Variants in MED12L observed in about 807,000 individuals in gnomAD.
MED12L encodes the protein mediator of RNA polymerase II transcription subunit 12-like protein.
In MED12L, 60 loss-of-function variants were observed where a neutral mutation model predicts 281.3. That is an observed-to-expected ratio of 0.21 (90% confidence interval 0.17 to 0.26). The LOEUF (loss-of-function observed/expected upper bound fraction) is 0.26, where lower values mean the gene tolerates loss of function less well. Among genes scored for constraint, MED12L ranks in the 10% least tolerant of loss-of-function variants. MED12L has a pLI of 1.00. For missense variants in MED12L, 2,146 were observed against 2,680.9 expected, an observed-to-expected ratio of 0.80 and a Z score of 4.41; for synonymous variants, 974 against 987.2, an observed-to-expected ratio of 0.99 and a Z score of 0.25.
chr3:151,139,219 T>C (rs1576808622), intron 5 of MED12L, among the ~76,000 whole-genome samples: 1 of 152,340 alleles, frequency 6.6e-6, no homozygotes, highest in African/African-American at 2.4e-5. Context: ...TACTTTCTTC[T>C]TTTCTGGCAC....
At position 151,190,949 on chromosome 3, in the gene MED12L, A is replaced by G. The variant is rs200517086; in HGVS notation, c.1968+18A>G. 151 of 1,607,762 alleles carry G rather than the reference A, an allele frequency of 9.4e-5. No homozygotes were observed. In the African/African-American group the frequency reaches 1.9e-3, roughly 21 times the overall value. On this transcript the variant is annotated intron_variant, in intron 14 of 44. Transcript: ENST00000687756. ...AAATGGAGGTATGGCCCTGGATATG[A>G]TGCCCCACTCCCCCAGAAACTAAAC... is the stretch of plus-strand genomic sequence containing the variant.
chr3:151,205,428 T>A (rs1434074234), intron 16 of MED12L, among the ~76,000 whole-genome samples: 1 of 152,248 alleles, frequency 6.6e-6, no homozygotes, highest in Non-Finnish European at 1.5e-5. Flanking sequence ...CTCCTATCCA[T>A]ACAAAACGTG....
At chr3:151,390,175 A>G (rs199908810) in intron 38 of MED12L, 40 bp downstream of exon 38, 19 of 1,598,184 alleles carry the variant, frequency 1.2e-5, no homozygotes, top group South Asian at 4.4e-5. Context: ...GAGATGAGAA[A>G]CAGCTTGTGG....
In MED12L at chr3:151,273,570, T is replaced by C. The variant is rs558604736; in HGVS notation, c.2251-76489T>C. ...TGTGTTCTTATGCCAATTACTGTTC[T>C]GGGTAATTTATGTATATAACTCATT... On this transcript the variant is annotated intron_variant, in intron 16 of 44. Transcript: ENST00000687756. Among the ~76,000 whole-genome samples the C allele has an allele frequency of 6.2e-4, 94 of 152,192 alleles. 1 individual carries two copies. Among genetic ancestry groups the C allele is most frequent in the African/African-American group, 2.2e-3 (92 of 41,524 alleles).
At chr3:151,247,213 C>T (rs533729851) in intron 16 of MED12L, among the ~76,000 whole-genome samples, 3 of 152,138 alleles carry the variant, frequency 2.0e-5, no homozygotes, top group South Asian at 2.1e-4. Context: ...GGCGATTCCT[C>T]AGGGATCTAG....
chr3:151,285,395 C>G (rs183442989), intron 16 of MED12L, among the ~76,000 whole-genome samples: 2 of 151,528 alleles, frequency 1.3e-5, no homozygotes, highest in African/African-American at 2.4e-5. Flanking sequence ...TGAGGCAGGA[C>G]GAGAATGGCG....
Position 151,390,046 on chromosome 3 carries a change from A to G in MED12L, c.5519A>G (p.His1840Arg), listed in dbSNP as rs75684822. 1 of 1,614,134 alleles carries G rather than the reference A, an allele frequency of 6.2e-7. No homozygotes were observed. Reference protein sequence around the residue: ...NYSPISSQMMHHPQSTLWGYN... With the variant: ...NYSPISSQMMRHPQSTLWGYN... ...TCGCCTATCTCCTCCCAAATGATGC[A>G]CCATCCACAGTCCACCTTGTGGGGT... The change falls in exon 38 of 45, where the codon CAC becomes CGC. Residue 1840 changes from histidine to arginine, a missense_variant. His to Arg is a conservative substitution (Grantham distance 29). Coordinates refer to ENST00000687756, the MANE Select transcript of MED12L (RefSeq NM_001393769.1).
chr3:151,232,298 C>T (rs111586115), intron 16 of MED12L, among the ~76,000 whole-genome samples: 1 of 152,296 alleles, frequency 6.6e-6, no homozygotes, highest in South Asian at 2.1e-4. Context: ...AACTCATTTA[C>T]CCTCCCACCA....
chr3:151,291,150 GTTTTT>G (rs59482240), intron 16 of MED12L, among the ~76,000 whole-genome samples: 153 of 127,566 alleles, frequency 1.2e-3, no homozygotes, highest in African/African-American at 3.8e-3. Context: ...CTTGTTTTCT[GTTTTT>G]TTTTTTTTTT....
intron 21 of MED12L, among the ~76,000 whole-genome samples, chr3:151,363,645 G>T (rs1172815741): frequency 6.6e-6 from 1 of 152,310 alleles, no homozygotes; most frequent in Non-Finnish European, 1.5e-5. Context: ...TACACAGAAA[G>T]AGAGTGTAGA....
chr3:151,199,166 TCAA>T, intron 16 of MED12L: 1 of 1,614,116 alleles, frequency 6.2e-7, no homozygotes, highest in Non-Finnish European at 8.5e-7. Context: ...CACACCCAAG[TCAA>T]CAACAATTTT....
chr3:151,283,404 A>G (rs547213552), intron 16 of MED12L, among the ~76,000 whole-genome samples: 3 of 152,340 alleles, frequency 2.0e-5, no homozygotes, highest in East Asian at 3.9e-4. Context: ...TTGTATGTGT[A>G]TTTTCTCTTT....
At chr3:151,354,752 ATTACC>A (rs1453533997) in intron 17 of MED12L, among the ~76,000 whole-genome samples, 1 of 152,254 alleles carries the variant, frequency 6.6e-6, no homozygotes, top group African/African-American at 2.4e-5. Flanking sequence ...ACACATTAAA[ATTACC>A]TCAGCAACAT....
intron 11 of MED12L, among the ~76,000 whole-genome samples, chr3:151,180,507 TAAAAAG>T (rs966575957): frequency 6.6e-6 from 1 of 152,228 alleles, no homozygotes; most frequent in Non-Finnish European, 1.5e-5. Flanking sequence ...TATGGGCACT[TAAAAAG>T]AAAGCACATT....
intron 16 of MED12L, among the ~76,000 whole-genome samples, chr3:151,320,017 G>GT (rs1190233257): frequency 6.6e-6 from 1 of 152,140 alleles, no homozygotes; most frequent in Non-Finnish European, 1.5e-5. Flanking sequence ...GTTTTCTCAT[G>GT]TTTTTGATAT....
chr3:151,122,223 A>G (rs1713866123), intron 3 of MED12L, among the ~76,000 whole-genome samples: 2 of 152,228 alleles, frequency 1.3e-5, no homozygotes, highest in African/African-American at 4.8e-5. Flanking sequence ...TGGCAGCCCA[A>G]TAAAAAATGT....
chr3:151,128,096 T>A, intron 5 of MED12L, 112 bp downstream of exon 5: 2 of 925,782 alleles, frequency 2.2e-6, no homozygotes, highest in Non-Finnish European at 1.6e-6. Context: ...AGGTCCGTGG[T>A]GAGACTGATT....
At chr3:151,183,320 T>G (rs1722920446) in intron 11 of MED12L, among the ~76,000 whole-genome samples, 1 of 152,222 alleles carries the variant, frequency 6.6e-6, no homozygotes, top group Admixed American at 6.5e-5. Context: ...CTGTGTTTGC[T>G]GTTTCCTTCT....
At chr3:151,229,473 ATTTTT>A (rs59434401) in intron 16 of MED12L, among the ~76,000 whole-genome samples, 3 of 90,138 alleles carry the variant, frequency 3.3e-5, no homozygotes, top group Admixed American at 1.4e-4. Flanking sequence ...TGCCCGGCTA[ATTTTT>A]TTTTTTTTTT....
Sources: allele counts gnomAD v4.1 joint callset (sites outside exome capture counted in the v4.1 genomes callset), GRCh38; gene constraint gnomAD v4.1.1; transcripts MANE v1.5; gene names NCBI Gene and HGNC (gene_info 2026-07-23, HGNC 2026-07-21).